The following ITGAV variants were observed in gnomAD, a reference collection of about 807,000 sequenced individuals.
The protein encoded by ITGAV is integrin subunit alpha V, also known as integrin alpha-V.
Under a neutral mutation model 143.8 loss-of-function variants are expected in ITGAV, and 76 were observed. That is an observed-to-expected ratio of 0.53 (90% CI 0.44 to 0.64). The LOEUF is 0.64. Ranked by LOEUF, ITGAV falls within the 30% of genes least tolerant of loss-of-function variation. The pLI, the probability that ITGAV is intolerant of heterozygous loss-of-function variation, is 0.00. For missense variants in ITGAV, 1,193 were observed against 1,274.7 expected (o/e 0.94, Z 0.98); for synonymous variants, 453 against 446.7 (o/e 1.01, Z -0.18).
At chr2:186,627,870 A>G (rs1043079312) in intron 4 of ITGAV, among the ~76,000 whole-genome samples, 9 of 152,222 alleles carry the variant, frequency 5.9e-5, no homozygotes, top group Non-Finnish European at 1.3e-4. Flanking sequence ...AGCAAAGTGC[A>G]TGCCTTTGTT....
chr2:186,667,807 C>T (rs746472665), intron 24 of ITGAV, 31 bp downstream of exon 24: 24 of 1,404,942 alleles, frequency 1.7e-5, no homozygotes, highest in African/African-American at 2.8e-5. Context: ...ACTCAAACCT[C>T]GTGAGCAAGC....
At chr2:186,652,209 G>C in intron 15 of ITGAV, 120 bp downstream of exon 15, 1 of 653,152 alleles carries the variant, frequency 1.5e-6, no homozygotes, top group Non-Finnish European at 2.7e-6. Context: ...TGAGTATACT[G>C]TTTTTTCTAT....
intron 15 of ITGAV, among the ~76,000 whole-genome samples, chr2:186,652,764 T>C (rs1357298671): frequency 6.6e-6 from 1 of 152,102 alleles, no homozygotes; most frequent in African/African-American, 2.4e-5. Context: ...AAAAAAATTA[T>C]TTTGCTCTAA....
chr2:186,600,816 A>G (rs1686881555), intron 1 of ITGAV, among the ~76,000 whole-genome samples: 1 of 152,064 alleles, frequency 6.6e-6, no homozygotes. Context: ...AAAATTAGCC[A>G]GGCGTGGTGG....
chr2:186,619,114 T>C (rs989269777), intron 2 of ITGAV, among the ~76,000 whole-genome samples: 1 of 78,116 alleles, frequency 1.3e-5, no homozygotes, highest in Non-Finnish European at 2.7e-5. Context: ...GTATATTTTA[T>C]ATATATATAT....
Position 186,668,779 on chromosome 2 carries a change from A to C in ITGAV, c.2451A>C (p.Pro817=). 1 of 1,613,532 alleles carries C rather than the reference A, an allele frequency of 6.2e-7. No homozygotes were observed. Among genetic ancestry groups the C allele is most frequent in the South Asian group, 1.1e-5 (1 of 90,812 alleles). The change falls in exon 25 of 30, where the codon CCA becomes CCC. Residue 817 remains proline, a synonymous_variant. Coordinates refer to ENST00000261023, the MANE Select transcript of ITGAV (RefSeq NM_002210.5). ...CTCCTTAGCTGAGAAACAATGGTCC[A>C]AGTTCATTCAGCAAGGCAATGCTCC... ...QHIYELRNNG[P]SSFSKAMLHL... is the part of the protein sequence containing the mutation.
At chr2:186,623,547 G>T (rs2105687592) in intron 3 of ITGAV, among the ~76,000 whole-genome samples, 2 of 152,042 alleles carry the variant, frequency 1.3e-5, no homozygotes, top group Middle Eastern at 6.8e-3. Context: ...TTACCTAGAG[G>T]TTCCTAGCCT....
rs1423692451 is a variant in ITGAV, at chr2:186,638,339, AT to A, written c.846+25del. 6.2e-7 allele frequency: 1 copy of A among 1,612,352 alleles called. No individual in the cohort carries two copies. Among genetic ancestry groups the A allele is most frequent in the South Asian group, 1.1e-5 (1 of 91,014 alleles). Reference sequence around the variant, plus strand: ...GGGAATGGTAGGACAGTTAAAAGGTATTTTTTAAAAAATCTCTAAGTTATCT... The same window carrying A: ...GGGAATGGTAGGACAGTTAAAAGGTATTTTTAAAAAATCTCTAAGTTATCT... On this transcript the variant is annotated intron_variant, in intron 9 of 29. Coordinates refer to ENST00000261023, the MANE Select transcript of ITGAV (RefSeq NM_002210.5).
chr2:186,608,427 C>T (rs1486289459), intron 2 of ITGAV, among the ~76,000 whole-genome samples: 1 of 152,144 alleles, frequency 6.6e-6, no homozygotes, highest in Non-Finnish European at 1.5e-5. Flanking sequence ...GAACAAACCT[C>T]AGCTAGCTCT....
chr2:186,601,465 A>G (rs1174018137), intron 1 of ITGAV, among the ~76,000 whole-genome samples: 1 of 152,016 alleles, frequency 6.6e-6, no homozygotes, highest in Non-Finnish European at 1.5e-5. Context: ...GTCTCTTAAA[A>G]AAAAAAAATA....
chr2:186,595,218 G>T (rs1451445908), intron 1 of ITGAV, among the ~76,000 whole-genome samples: 1 of 152,218 alleles, frequency 6.6e-6, no homozygotes, highest in Non-Finnish European at 1.5e-5. Context: ...TCAACTCAGA[G>T]TCAGCTAAAT....
intron 2 of ITGAV, 89 bp downstream of exon 2, chr2:186,602,240 A>G (rs1294996647): frequency 2.0e-6 from 2 of 1,010,794 alleles, no homozygotes; most frequent in African/African-American, 1.6e-5. Flanking sequence ...CATTTAATAC[A>G]ATTATATAGA....
At chr2:186,643,099 C>G (rs972615259) in intron 12 of ITGAV, among the ~76,000 whole-genome samples, 51 of 152,220 alleles carry the variant, frequency 3.4e-4, no homozygotes, top group Admixed American at 3.2e-3. Context: ...AGCTGGGCCT[C>G]TGTCTCCCAG....
chr2:186,623,291 G>C (rs1687585274), intron 3 of ITGAV, among the ~76,000 whole-genome samples: 2 of 151,168 alleles, frequency 1.3e-5, no homozygotes, highest in South Asian at 4.2e-4. Context: ...TGTTTTCTCT[G>C]CTGGTATTTA....
At chr2:186,656,117 A>G (rs956984432) in intron 16 of ITGAV, 130 bp from the exon 17 acceptor site, 26 of 559,422 alleles carry the variant, frequency 4.6e-5, no homozygotes, top group African/African-American at 4.0e-4. Flanking sequence ...CAATGTAATG[A>G]CATTTTAAAT....
Position 186,636,073 on chromosome 2 carries a change from C to G in ITGAV, c.632-9C>G, listed in dbSNP as rs1302390081. On this transcript the variant is annotated splice_polypyrimidine_tract_variant and intron_variant, in intron 6 of 29. Transcript: ENST00000261023. The stretch of plus-strand genomic sequence containing the variant: ...AGGTTATTTATTTTATATATACACC[C>G]TTTTTTAGGTCAGCTTATTTCGGAT... The G allele has an allele frequency of 3.1e-6, 5 of 1,609,536 alleles. No homozygotes were observed. The highest frequency in any genetic ancestry group is 3.4e-6 in the Non-Finnish European group (4 of 1,177,988).
At chr2:186,616,409 G>A in intron 2 of ITGAV, among the ~76,000 whole-genome samples, 1 of 150,266 alleles carries the variant, frequency 6.7e-6, no homozygotes, top group South Asian at 2.1e-4. Flanking sequence ...CTCCCAAGCA[G>A]CTGGGACTAC....
intron 20 of ITGAV, 138 bp downstream of exon 20, chr2:186,664,779 T>C: frequency 9.7e-7 from 1 of 1,035,088 alleles, no homozygotes; most frequent in South Asian, 1.5e-5. Context: ...AGTGCCTATC[T>C]TACATAATTC....
intron 23 of ITGAV, 71 bp downstream of exon 23, chr2:186,667,301 C>A: frequency 1.7e-6 from 2 of 1,156,536 alleles, no homozygotes; most frequent in Non-Finnish European, 2.6e-6. Flanking sequence ...CAGGCCTTAG[C>A]CTTTTCTGGA....
Sources: allele counts gnomAD v4.1 joint callset (sites outside exome capture counted in the v4.1 genomes callset), GRCh38; gene constraint gnomAD v4.1.1; transcripts MANE v1.5; gene names NCBI Gene and HGNC (gene_info 2026-07-23, HGNC 2026-07-21).